CCDC91: variants seen among roughly 807,000 people sequenced by gnomAD.
CCDC91 encodes coiled-coil domain-containing protein 91.
Under a neutral mutation model 63.2 loss-of-function variants are expected in CCDC91, and 48 were observed. The ratio of observed to expected loss-of-function variants is 0.76; its 90% CI spans 0.60 to 0.97. CCDC91 has a LOEUF of 0.97. CCDC91 is among the 50% of genes least tolerant of loss of function. CCDC91 has a pLI of 0.00. For synonymous variants in CCDC91, 167 were observed against 165.8 expected (o/e 1.01, Z -0.06); for missense variants, 500 against 494.6 (o/e 1.01, Z -0.10).
At chr12:28,279,910 TG>T (rs1948492508) in intron 3 of CCDC91, among the ~76,000 whole-genome samples, 1 of 143,362 alleles carries the variant, frequency 7.0e-6, no homozygotes, top group African/African-American at 2.4e-5. Flanking sequence ...CATACACTTT[TG>T]TTTATGCAGT....
intron 2 of CCDC91, among the ~76,000 whole-genome samples, chr12:28,258,658 C>T (rs1483936634): frequency 3.9e-5 from 6 of 151,932 alleles, no homozygotes; most frequent in Non-Finnish European, 5.9e-5. Context: ...TCACTTAGCT[C>T]CTGTGTCAGA....
At chr12:28,224,954 C>G (rs2135726029) in intron 1 of CCDC91, among the ~76,000 whole-genome samples, 1 of 152,182 alleles carries the variant, frequency 6.6e-6, no homozygotes, top group Admixed American at 6.5e-5. Context: ...ATCATCTCTC[C>G]TAACTTACTT....
intron 12 of CCDC91, among the ~76,000 whole-genome samples, chr12:28,520,888 G>T (rs1592939014): frequency 6.6e-6 from 1 of 152,084 alleles, no homozygotes. Context: ...TTGTAGATGT[G>T]TGGTATTATT....
In CCDC91 at chr12:28,272,381, T is replaced by C. The variant is rs192908278; in HGVS notation, c.109+12939T>C. Among the ~76,000 whole-genome samples, 6 of 151,620 alleles carry C rather than the reference T, an allele frequency of 4.0e-5. No homozygotes were observed. In the East Asian group the frequency reaches 1.2e-3, roughly 29 times the overall value. The stretch of plus-strand genomic sequence containing the variant: ...TGTTGTTGTTGCTCCATTCTCTTTC[T>C]CCTTCTGGAACTCTAGTTAGTGTTA... On this transcript the variant is annotated intron_variant, in intron 3 of 12. Coordinates refer to ENST00000536442, the MANE Select transcript of CCDC91 (RefSeq NM_018318.5).
At chr12:28,322,010 T>C (rs1940554632) in intron 6 of CCDC91, among the ~76,000 whole-genome samples, 1 of 151,728 alleles carries the variant, frequency 6.6e-6, no homozygotes, top group Non-Finnish European at 1.5e-5. Context: ...AATTTATAAA[T>C]ATATGGAGGA....
intron 11 of CCDC91, among the ~76,000 whole-genome samples, chr12:28,476,651 A>C (rs1805899075): frequency 6.6e-6 from 1 of 152,160 alleles, no homozygotes; most frequent in Non-Finnish European, 1.5e-5. Context: ...GAAACACAAA[A>C]AACCCTTCAA....
chr12:28,449,915 T>A (rs1949716595), intron 8 of CCDC91, among the ~76,000 whole-genome samples: 1 of 151,992 alleles, frequency 6.6e-6, no homozygotes, highest in South Asian at 2.1e-4. Context: ...TTTTGAGTAG[T>A]TGTTCTTAAG....
intron 3 of CCDC91, among the ~76,000 whole-genome samples, chr12:28,303,454 C>G (rs1396217059): frequency 1.3e-5 from 2 of 152,032 alleles, no homozygotes; most frequent in African/African-American, 2.4e-5. Context: ...ACATGATACA[C>G]TTGAACATTT....
chr12:28,304,539 A>G (rs1284183763), intron 3 of CCDC91: 2 of 445,228 alleles, frequency 4.5e-6, no homozygotes, highest in Non-Finnish European at 7.5e-6. Flanking sequence ...TGTGTATAAG[A>G]TAATTGAATT....
rs566248964 is a variant in CCDC91, at chr12:28,463,154, A to G, written c.1101+10500A>G. Among the ~76,000 whole-genome samples, 52 of 152,338 alleles carry G rather than the reference A, an allele frequency of 3.4e-4. 1 individual carries two copies. The highest frequency in any genetic ancestry group is 1.0e-3 in the Admixed American group (16 of 15,292). The stretch of plus-strand genomic sequence containing the variant: ...AACTACAGAAATATGTCAAATTTAT[A>G]AATTGTTCCAATTTGAGATCGAGTG... On this transcript the variant is annotated intron_variant, in intron 11 of 12. Coordinates refer to ENST00000536442, the MANE Select transcript of CCDC91 (RefSeq NM_018318.5).
chr12:28,378,297 A>G (rs1945072835), intron 7 of CCDC91, among the ~76,000 whole-genome samples: 1 of 152,096 alleles, frequency 6.6e-6, no homozygotes. Flanking sequence ...GCAATGTAAA[A>G]TATGTCACAT....
intron 6 of CCDC91, among the ~76,000 whole-genome samples, chr12:28,354,434 A>G (rs1218827585): frequency 1.3e-5 from 2 of 152,160 alleles, no homozygotes; most frequent in Non-Finnish European, 2.9e-5. Flanking sequence ...AACTAATTGT[A>G]TCTACAAAGA....
At chr12:28,355,337 A>C (rs1047442767) in intron 6 of CCDC91, among the ~76,000 whole-genome samples, 9 of 152,102 alleles carry the variant, frequency 5.9e-5, no homozygotes, top group African/African-American at 1.9e-4. Context: ...ATTAACCAGG[A>C]TCTCAGCTGG....
At chr12:28,434,623 T>TGG (rs372268335) in intron 8 of CCDC91, among the ~76,000 whole-genome samples, 1 of 135,864 alleles carries the variant, frequency 7.4e-6, no homozygotes, top group Non-Finnish European at 1.6e-5. Flanking sequence ...TTTTTTTGAT[T>TGG]GGGGGGTGGG....
At chr12:28,448,256 A>G (rs1178986664) in intron 8 of CCDC91, among the ~76,000 whole-genome samples, 1 of 152,138 alleles carries the variant, frequency 6.6e-6, no homozygotes, top group Admixed American at 6.5e-5. Flanking sequence ...TTGTTGTGAG[A>G]GTTTAATGTG....
At chr12:28,300,531 T>C (rs1301299449) in intron 3 of CCDC91, among the ~76,000 whole-genome samples, 1 of 151,540 alleles carries the variant, frequency 6.6e-6, no homozygotes, top group East Asian at 1.9e-4. Flanking sequence ...TATAGTTTAA[T>C]TTAGTATATT....
Position 28,211,500 on chromosome 12 carries a change from T to G in CCDC91, c.-15+20859T>G, listed in dbSNP as rs2135524748. Among the ~76,000 whole-genome samples the G allele has an allele frequency of 2.0e-5, 3 of 152,330 alleles. No individual in the cohort carries two copies. The Middle Eastern group carries it at 0.01, about 518-fold the overall frequency. On this transcript the variant is annotated intron_variant, in intron 1 of 12. Transcript: ENST00000536442. ...TCATCCCTAAATCTTTTTTAGAAGCTTCTGCATATTAATAGGCATCCCTAG... is the reference window on the plus strand; with the variant it reads ...TCATCCCTAAATCTTTTTTAGAAGCGTCTGCATATTAATAGGCATCCCTAG...
At chr12:28,213,870 T>C (rs1318358164) in intron 1 of CCDC91, among the ~76,000 whole-genome samples, 2 of 152,094 alleles carry the variant, frequency 1.3e-5, no homozygotes, top group Admixed American at 1.3e-4. Flanking sequence ...AAGACTCAAT[T>C]ATGGTGCCAG....
chr12:28,267,560 A>G (rs970910653), intron 3 of CCDC91, among the ~76,000 whole-genome samples: 7 of 147,808 alleles, frequency 4.7e-5, no homozygotes, highest in Non-Finnish European at 1.0e-4. Context: ...TACTAATTTT[A>G]CTAATATAAA....
Sources: allele counts gnomAD v4.1 joint callset (sites outside exome capture counted in the v4.1 genomes callset), GRCh38; gene constraint gnomAD v4.1.1; transcripts MANE v1.5; gene names NCBI Gene and HGNC (gene_info 2026-07-23, HGNC 2026-07-21).